KCNQ1: variants seen among roughly 807,000 people sequenced by gnomAD.
KCNQ1 encodes the protein potassium voltage-gated channel subfamily Q member 1.
Under a neutral mutation model 72.4 loss-of-function variants are expected in KCNQ1, and 49 were observed. The ratio of observed to expected loss-of-function variants is 0.68; its 90% CI spans 0.54 to 0.86. KCNQ1 has a LOEUF of 0.86. Ranked by LOEUF, KCNQ1 falls within the 40% of genes least tolerant of loss-of-function variation. KCNQ1 has a pLI of 0.00. For missense variants in KCNQ1, 790 were observed against 945.1 expected, an observed-to-expected ratio of 0.84 and a Z score of 2.15; for synonymous variants, 450 against 412.6, an observed-to-expected ratio of 1.09 and a Z score of -1.10.
chr11:2,572,712 C>T lies in KCNQ1; in HGVS notation c.781-134C>T, dbSNP rs554350109. On this transcript the variant is annotated intron_variant, in intron 5 of 15. Transcript: ENST00000155840. Reference sequence around the variant, plus strand: ...GAGGAGTGGGCTATATTGAAGCCGGCCCTGTGCATGTGAACCGCGCTGGAG... The same window carrying T: ...GAGGAGTGGGCTATATTGAAGCCGGTCCTGTGCATGTGAACCGCGCTGGAG... The T allele has an allele frequency of 5.2e-4, 595 of 1,153,118 alleles. 2 individuals are homozygous for T. The highest frequency in any genetic ancestry group is 6.1e-4 in the Non-Finnish European group (484 of 795,936). The allele number at this position is 1,153,118 out of a possible 1,614,324, so 71.4% of individuals were successfully genotyped here. A position where few individuals can be genotyped will look rare whatever the true frequency, so the allele number is the denominator to read the frequency against.
chr11:2,790,908 C>T (rs531056050), intron 15 of KCNQ1, among the ~76,000 whole-genome samples: 24 of 152,318 alleles, frequency 1.6e-4, no homozygotes, highest in African/African-American at 5.8e-4. Flanking sequence ...TCTTGCTTTC[C>T]CCAGCTATCC....
intron 10 of KCNQ1, chr11:2,641,331 T>G (rs987756793): frequency 3.0e-5 from 12 of 398,310 alleles, no homozygotes; most frequent in Non-Finnish European, 5.3e-5. Context: ...TTTTTGTCTT[T>G]TTAAAATAGC....
At chr11:2,834,849 G>T (rs1330369475) in intron 15 of KCNQ1, among the ~76,000 whole-genome samples, 1 of 152,190 alleles carries the variant, frequency 6.6e-6, no homozygotes, top group Admixed American at 6.5e-5. Context: ...AGCCCTGGCT[G>T]GTTGAAGTCC....
At chr11:2,452,470 C>T (rs1259120713) in intron 1 of KCNQ1, among the ~76,000 whole-genome samples, 1 of 152,150 alleles carries the variant, frequency 6.6e-6, no homozygotes, top group Non-Finnish European at 1.5e-5. Context: ...GGAGCTCTGA[C>T]TGAGAGGGGT....
At position 2,787,026 on chromosome 11, in the gene KCNQ1, T is replaced by C. The variant is rs941825930; in HGVS notation, c.1794+8989T>C. Among the ~76,000 whole-genome samples, 3 of 151,008 alleles carry C rather than the reference T, an allele frequency of 2.0e-5. No individual in the cohort carries two copies. The highest frequency in any genetic ancestry group is 6.6e-5 in the Admixed American group (1 of 15,114). On this transcript the variant is annotated intron_variant, in intron 15 of 15. Transcript: ENST00000155840. The surrounding 1 kb of genome is among the most constrained non-coding windows in gnomAD (Gnocchi z 6.3). ...GGAATTTTTGAAGTCTGGTGTGAAG[T>C]TGGGGTCCTCAGGGAGGAATCATGT...
At chr11:2,739,465 T>C (rs1402915477) in intron 11 of KCNQ1, among the ~76,000 whole-genome samples, 2 of 152,226 alleles carry the variant, frequency 1.3e-5, no homozygotes, top group Non-Finnish European at 2.9e-5. Flanking sequence ...CAAAGGTGGA[T>C]GGACATAGGT....
chr11:2,573,514 C>T (rs1266838383), intron 6 of KCNQ1, among the ~76,000 whole-genome samples: 2 of 152,206 alleles, frequency 1.3e-5, no homozygotes, highest in African/African-American at 4.8e-5. Flanking sequence ...GATCAGAGAG[C>T]CCCCGTGTTT....
chr11:2,648,260 C>A (rs1020365670), intron 10 of KCNQ1: 6 of 398,434 alleles, frequency 1.5e-5, no homozygotes, highest in African/African-American at 2.1e-5. Context: ...TACCTTTTAT[C>A]TCTATTTCAT....
At chr11:2,733,857 C>T (rs1590059123) in intron 11 of KCNQ1, among the ~76,000 whole-genome samples, 2 of 76,322 alleles carry the variant, frequency 2.6e-5, no homozygotes, top group Admixed American at 2.6e-4. Flanking sequence ...CTCTCTCTCT[C>T]CCCCCCCACT....
chr11:2,461,806 A>C, intron 1 of KCNQ1: 1 of 998,302 alleles, frequency 1.0e-6, no homozygotes, highest in South Asian at 1.4e-5. Context: ...TGGCGGGTAG[A>C]TGGGTGGACA....
At chr11:2,741,442 C>G (rs974992324) in intron 11 of KCNQ1, among the ~76,000 whole-genome samples, 1 of 152,156 alleles carries the variant, frequency 6.6e-6, no homozygotes. Flanking sequence ...GGGCTGCACA[C>G]GTGTACGCAC....
At chr11:2,644,856 T>C (rs2133834711) in intron 10 of KCNQ1, 1 of 398,752 alleles carries the variant, frequency 2.5e-6, no homozygotes, top group African/African-American at 2.1e-5. Flanking sequence ...TAGTTTAGGA[T>C]GCAGTTGTTG....
intron 15 of KCNQ1, among the ~76,000 whole-genome samples, chr11:2,786,828 A>T (rs1034310622): frequency 6.6e-6 from 1 of 152,140 alleles, no homozygotes; most frequent in Non-Finnish European, 1.5e-5. Context: ...GAAGTGTATT[A>T]AATATGGCTA....
At position 2,670,142 on chromosome 11, in the gene KCNQ1, C is replaced by T; in HGVS notation, c.1514+8061C>T. On this transcript the variant is annotated intron_variant, in intron 11 of 15. Coordinates refer to ENST00000155840, the MANE Select transcript of KCNQ1 (RefSeq NM_000218.3). This position sits in a 1 kb window ranked among gnomAD's most constrained non-coding sequence, Gnocchi z 4.9. ...CCCCAGTATGCATCTGTCATTTGTT[C>T]TTATCACTGTCGGGCCCATCTGCCA... 1 of 398,686 alleles carries T rather than the reference C, an allele frequency of 2.5e-6. No homozygotes were observed. Among genetic ancestry groups the T allele is most frequent in the East Asian group, 3.6e-5 (1 of 28,084 alleles). The allele number at this position is 398,686 out of a possible 1,614,324, so 24.7% of individuals were successfully genotyped here.
chr11:2,510,291 A>AT (rs139462211), intron 1 of KCNQ1, among the ~76,000 whole-genome samples: 4,302 of 151,102 alleles, frequency 0.028, 148 homozygotes, highest in African/African-American at 0.082. Flanking sequence ...AAAAAAAAAA[A>AT]TTTTTAAATA....
chr11:2,786,838 A>G (rs552160864), intron 15 of KCNQ1, among the ~76,000 whole-genome samples: 11 of 151,604 alleles, frequency 7.3e-5, no homozygotes, highest in African/African-American at 2.7e-4. Context: ...AAATATGGCT[A>G]TTCTATATTG....
chr11:2,640,540 C>T (rs1011794281), intron 10 of KCNQ1: 15 of 391,704 alleles, frequency 3.8e-5, no homozygotes, highest in Non-Finnish European at 2.7e-5. Context: ...TCTGCCTTGG[C>T]CCCCCAAAGC....
Position 2,778,021 on chromosome 11 carries a change from A to G in KCNQ1, c.1778A>G (p.Asn593Ser), listed in dbSNP as rs1425739032. 28 of 1,613,708 alleles carry G rather than the reference A, an allele frequency of 1.7e-5. No individual in the cohort carries two copies. The highest frequency in any genetic ancestry group is 2.4e-5 in the Non-Finnish European group (28 of 1,180,012). ...AGCAACACGATCGGCGCCCGCCTGAACCGAGTAGAAGACAAGGTAGGCTCA... is the reference window on the plus strand; with the variant it reads ...AGCAACACGATCGGCGCCCGCCTGAGCCGAGTAGAAGACAAGGTAGGCTCA... Reference protein sequence around the residue: ...RGSNTIGARLNRVEDKVTQLD... With the variant: ...RGSNTIGARLSRVEDKVTQLD... The change falls in exon 15 of 16, where the codon AAC (asparagine) becomes AGC (serine). Residue 593 changes from asparagine (N) to serine (S), a missense_variant. Physicochemically the swap from Asn to Ser is conservative, Grantham distance 46. Transcript: ENST00000155840.
At chr11:2,821,196 G>A (rs1250681622) in intron 15 of KCNQ1, among the ~76,000 whole-genome samples, 3 of 152,214 alleles carry the variant, frequency 2.0e-5, no homozygotes, top group Admixed American at 6.5e-5. Flanking sequence ...GTCAGAGGGC[G>A]GACACCGAAG....
Sources: gnomAD v4.1 joint callset for allele counts (sites outside exome capture counted in the v4.1 genomes callset) on GRCh38, gnomAD v4.1.1 for gene constraint, Gnocchi (gnomAD v3.1) non-coding constraint, MANE v1.5 for transcripts, NCBI Gene and HGNC (gene_info 2026-07-23, HGNC 2026-07-21) for gene names.